AUTS2: variants seen among roughly 807,000 people sequenced by gnomAD.
AUTS2 encodes activator of transcription and developmental regulator AUTS2, also known as autism susceptibility gene 2 protein.
A neutral mutation model predicts 112.4 loss-of-function variants in AUTS2; 17 were observed. The ratio of observed to expected loss-of-function variants is 0.15; its 90% CI spans 0.10 to 0.23. The LOEUF (loss-of-function observed/expected upper bound fraction) is 0.23. AUTS2 is among the 10% of genes least tolerant of loss of function. AUTS2 has a pLI of 1.00. For synonymous variants in AUTS2, 751 were observed against 702.7 expected, an observed-to-expected ratio of 1.07 and a Z score of -1.09; for missense variants, 1,510 against 1,701.6, an observed-to-expected ratio of 0.89 and a Z score of 1.98.
intron 1 of AUTS2, among the ~76,000 whole-genome samples, chr7:69,733,227 AC>A (rs1374085964): frequency 6.6e-6 from 1 of 152,184 alleles, no homozygotes; most frequent in Non-Finnish European, 1.5e-5. Flanking sequence ...GGACCCAGGA[AC>A]CTTTGGTATT....
intron 5 of AUTS2, among the ~76,000 whole-genome samples, chr7:70,486,555 G>A (rs978588659): frequency 6.6e-6 from 1 of 152,008 alleles, no homozygotes; most frequent in African/African-American, 2.4e-5. Context: ...GACCAATATG[G>A]CAAAAGCCCG....
chr7:70,581,478 A>G (rs936942239), intron 5 of AUTS2, among the ~76,000 whole-genome samples: 2 of 152,224 alleles, frequency 1.3e-5, no homozygotes, highest in Non-Finnish European at 2.9e-5. Flanking sequence ...GGATCGCTTA[A>G]GCCAGTGAGT....
intron 5 of AUTS2, among the ~76,000 whole-genome samples, chr7:70,452,121 TTTG>T (rs1235912098): frequency 1.3e-5 from 2 of 152,154 alleles, no homozygotes; most frequent in East Asian, 1.9e-4. Context: ...TTTTTTTGTT[TTTG>T]TTGTTGTTGT....
intron 2 of AUTS2, among the ~76,000 whole-genome samples, chr7:69,945,068 G>A (rs1796757299): frequency 1.3e-5 from 2 of 151,868 alleles, no homozygotes; most frequent in Admixed American, 1.3e-4. Context: ...CAAAGTAAAG[G>A]TAATGATACC....
chr7:70,708,392 C>A (rs1222859491), intron 6 of AUTS2, among the ~76,000 whole-genome samples: 1 of 152,066 alleles, frequency 6.6e-6, no homozygotes, highest in South Asian at 2.1e-4. Flanking sequence ...TCCATTGATT[C>A]GTTCAATTGG....
At chr7:70,432,832 A>G (rs1795732260) in intron 4 of AUTS2, among the ~76,000 whole-genome samples, 1 of 152,196 alleles carries the variant, frequency 6.6e-6, no homozygotes, top group African/African-American at 2.4e-5. Flanking sequence ...GCTCACGGCA[A>G]AGTCCTCAGG....
At position 69,960,628 on chromosome 7, in the gene AUTS2, G is replaced by A. The variant is rs189007184; in HGVS notation, c.522+61130G>A. On this transcript the variant is annotated intron_variant, in intron 2 of 18. Transcript: ENST00000342771. ...ACAATATCGAACTTCAGAATCAGTC[G>A]TTTTCCAAAAACATTTGTTGGAGAG... Among the ~76,000 whole-genome samples the A allele has an allele frequency of 3.3e-5, 5 of 152,186 alleles. No individual in the cohort carries two copies. The South Asian group carries it at 6.2e-4, about 19-fold the overall frequency.
chr7:70,014,605 A>G (rs1323307256), intron 2 of AUTS2, among the ~76,000 whole-genome samples: 1 of 152,058 alleles, frequency 6.6e-6, no homozygotes, highest in Non-Finnish European at 1.5e-5. Flanking sequence ...ATTTTTTGGT[A>G]GTTCTCTTTT....
At chr7:69,921,825 G>A (rs1584445314) in intron 2 of AUTS2, among the ~76,000 whole-genome samples, 1 of 147,668 alleles carries the variant, frequency 6.8e-6, no homozygotes, top group African/African-American at 2.5e-5. Flanking sequence ...CAGCATTTTG[G>A]GAGGCTGAGG....
chr7:70,153,528 A>G (rs1807572214), intron 4 of AUTS2, among the ~76,000 whole-genome samples: 1 of 152,206 alleles, frequency 6.6e-6, no homozygotes, highest in African/African-American at 2.4e-5. Flanking sequence ...ATATATTTAT[A>G]GGTCAAAATT....
At chr7:70,356,392 A>G (rs930399787) in intron 4 of AUTS2, among the ~76,000 whole-genome samples, 1 of 152,222 alleles carries the variant, frequency 6.6e-6, no homozygotes, top group African/African-American at 2.4e-5. Flanking sequence ...TTATTTAATA[A>G]TACATTTTAT....
chr7:70,071,264 C>G (rs768312382), intron 2 of AUTS2, among the ~76,000 whole-genome samples: 6 of 152,174 alleles, frequency 3.9e-5, no homozygotes, highest in Non-Finnish European at 7.3e-5. Flanking sequence ...TCCTCAGTAG[C>G]TGCTTCTCTG....
At chr7:70,708,468 A>T (rs1563142552) in intron 6 of AUTS2, among the ~76,000 whole-genome samples, 1 of 152,172 alleles carries the variant, frequency 6.6e-6, no homozygotes, top group Non-Finnish European at 1.5e-5. Flanking sequence ...CCAACCATGG[A>T]ACAGGATCTG....
At chr7:69,648,688 A>G (rs1795152314) in intron 1 of AUTS2, among the ~76,000 whole-genome samples, 1 of 152,208 alleles carries the variant, frequency 6.6e-6, no homozygotes, top group Non-Finnish European at 1.5e-5. Context: ...TCTCTGACCC[A>G]GAGAGACTTA....
rs559858373 is a variant in AUTS2, at chr7:70,147,801, G to A, written c.660+13230G>A. Among the ~76,000 whole-genome samples, 3 of 152,108 alleles carry A rather than the reference G, an allele frequency of 2.0e-5. No homozygotes were observed. In the South Asian group the frequency reaches 6.2e-4, roughly 32 times the overall value. ...GTGGAAAGCCAAACCCAAGAATCAC[G>A]GAAAGGATCACTGAAAGGAGTGATC... On this transcript the variant is annotated intron_variant, in intron 4 of 18. Transcript: ENST00000342771.
intron 5 of AUTS2, among the ~76,000 whole-genome samples, chr7:70,589,296 C>CA (rs1447042476): frequency 6.6e-6 from 1 of 152,228 alleles, no homozygotes; most frequent in Non-Finnish European, 1.5e-5. Context: ...AGAGCCCTCC[C>CA]AGGGGGCGAA....
chr7:70,142,170 G>C (rs1205163812), intron 4 of AUTS2, among the ~76,000 whole-genome samples: 3 of 152,186 alleles, frequency 2.0e-5, no homozygotes, highest in Non-Finnish European at 4.4e-5. Flanking sequence ...GGAAAACTTA[G>C]GTGCTACTGA....
rs563910860 is a variant in AUTS2 at position 70,629,208 on chromosome 7, C to T, written c.691-69361C>T. On this transcript the variant is annotated intron_variant, in intron 5 of 18. Coordinates refer to ENST00000342771, the MANE Select transcript of AUTS2 (RefSeq NM_015570.4). Reference sequence around the variant, plus strand: ...CAGCTAGGCCAGGCATGGTGGCTCACGCCTGTAAGCCTAGCATTTTGGGAA... The same window carrying T: ...CAGCTAGGCCAGGCATGGTGGCTCATGCCTGTAAGCCTAGCATTTTGGGAA... 7.9e-5 allele frequency among the ~76,000 whole-genome samples: 12 copies of T among 152,282 alleles called. 1 individual carries two copies. The South Asian group carries it at 1.7e-3, about 21-fold the overall frequency.
chr7:70,457,480 T>G (rs765266759), intron 5 of AUTS2, among the ~76,000 whole-genome samples: 3 of 152,194 alleles, frequency 2.0e-5, no homozygotes, highest in South Asian at 2.1e-4. Flanking sequence ...CTTCTCTGAA[T>G]CCACCAGGAA....
Sources: gnomAD v4.1 joint callset for allele counts (sites outside exome capture counted in the v4.1 genomes callset) on GRCh38, gnomAD v4.1.1 for gene constraint, MANE v1.5 for transcripts, NCBI Gene and HGNC (gene_info 2026-07-23, HGNC 2026-07-21) for gene names.